SOS2: variants seen among roughly 807,000 people sequenced by gnomAD.
The protein encoded by SOS2 is son of sevenless homolog 2.
Under a neutral mutation model 148.2 loss-of-function variants are expected in SOS2, and 65 were observed. The observed-to-expected ratio is 0.44, with a 90% CI of 0.36 to 0.54. SOS2 has a LOEUF of 0.54. Among genes scored for constraint, SOS2 ranks in the 20% least tolerant of loss-of-function variants. The probability of loss-of-function intolerance (pLI) is 0.00; values close to 1 mark genes in which losing one functional copy is unlikely to be tolerated. For missense variants in SOS2, 1,341 were observed against 1,590.2 expected, an observed-to-expected ratio of 0.84 and a Z score of 2.67; for synonymous variants, 539 against 537.1, an observed-to-expected ratio of 1.00 and a Z score of -0.05.
intron 4 of SOS2, among the ~76,000 whole-genome samples, chr14:50,195,635 C>A (rs150683289): frequency 2.0e-4 from 31 of 152,094 alleles, no homozygotes; most frequent in Non-Finnish European, 3.8e-4. Flanking sequence ...GTGGCAGGCA[C>A]CTATAGCTCT....
intron 9 of SOS2, among the ~76,000 whole-genome samples, 199 bp downstream of exon 9, chr14:50,161,283 G>A (rs1287469786): frequency 6.8e-5 from 10 of 147,784 alleles, no homozygotes; most frequent in African/African-American, 2.5e-4. Flanking sequence ...CTGGGCAAGA[G>A]AGACTCCTTC....
At chr14:50,140,304 T>C (rs1169024527) in intron 16 of SOS2, among the ~76,000 whole-genome samples, 1 of 152,216 alleles carries the variant, frequency 6.6e-6, no homozygotes, top group Non-Finnish European at 1.5e-5. Flanking sequence ...TTCTACGTCA[T>C]GCCTTGTGCG....
intron 1 of SOS2, among the ~76,000 whole-genome samples, chr14:50,220,657 A>AT (rs1211594960): frequency 6.6e-6 from 1 of 152,180 alleles, no homozygotes; most frequent in Non-Finnish European, 1.5e-5. Flanking sequence ...GTCCATTAAT[A>AT]ATTCTCAGAG....
intron 1 of SOS2, among the ~76,000 whole-genome samples, chr14:50,206,869 G>A (rs1056888079): frequency 2.0e-5 from 3 of 152,124 alleles, no homozygotes; most frequent in Non-Finnish European, 4.4e-5. Flanking sequence ...TTGGAATGCA[G>A]TAGTGCAATC....
rs149394277 is a variant in SOS2, at chr14:50,166,720, C to T, written c.1069-5111G>A. Among the ~76,000 whole-genome samples, 51 of 152,264 alleles carry T rather than the reference C, an allele frequency of 3.3e-4. No homozygotes were observed. In the East Asian group the frequency reaches 5.8e-3, roughly 17 times the overall value. On this transcript the variant is annotated intron_variant, in intron 8 of 22. Coordinates refer to ENST00000216373, the MANE Select transcript of SOS2 (RefSeq NM_006939.4). The stretch of plus-strand genomic sequence containing the variant: ...TTCTTGAAACTCCTACCAAATGCTA[C>T]ATCTACTATGGACATATGTGCCCAC...
intron 12 of SOS2, among the ~76,000 whole-genome samples, chr14:50,153,374 T>A (rs756543863): frequency 2.6e-5 from 4 of 151,840 alleles, no homozygotes; most frequent in Non-Finnish European, 4.4e-5. Context: ...TATTTATTAA[T>A]AAAATGTATA....
chr14:50,139,970 T>A lies in SOS2; in HGVS notation c.2757A>T (p.Ser919=). Residue 919 remains serine, a synonymous_variant, in exon 17 of 23, where the codon TCA becomes TCT. Coordinates refer to ENST00000216373, the MANE Select transcript of SOS2 (RefSeq NM_006939.4). ...HFKKYLVKLK[S]INPPCVPFFG... ...AAAAAGGCACACAAGGTGGATTGAT[T>A]GACTTAAGTTTTACTAGGTATTTTT... The A allele has an allele frequency of 6.3e-7, 1 of 1,591,274 alleles. No individual in the cohort carries two copies. The highest frequency in any genetic ancestry group is 1.1e-5 in the South Asian group (1 of 89,954).
Position 50,145,157 on chromosome 14 carries a change from G to T in SOS2, c.2667+13C>A. ...TCCCCGAGAAAAATGAAAAAGTTAA[G>T]CCTAAAACTTACCTCAAAGGTATGG... On this transcript the variant is annotated intron_variant, in intron 16 of 22. Coordinates refer to ENST00000216373, the MANE Select transcript of SOS2 (RefSeq NM_006939.4). 7.1e-7 allele frequency: 1 copy of T among 1,403,316 alleles called. No homozygotes were observed. Among genetic ancestry groups the T allele is most frequent in the South Asian group, 1.8e-5 (1 of 55,910 alleles). 86.9% of individuals were successfully genotyped at this position (1,403,316 alleles called of 1,614,324 possible).
At chr14:50,141,106 A>T (rs1429598896) in intron 16 of SOS2, among the ~76,000 whole-genome samples, 2 of 144,138 alleles carry the variant, frequency 1.4e-5, no homozygotes, top group Non-Finnish European at 3.0e-5. Context: ...CGGGAGGCTG[A>T]GGCAGGAGAA....
At chr14:50,141,203 C>CAAAAA (rs71118844) in intron 16 of SOS2, among the ~76,000 whole-genome samples, 3 of 30,588 alleles carry the variant, frequency 9.8e-5, no homozygotes, top group African/African-American at 2.9e-4. Context: ...GACTCTGTCT[C>CAAAAA]AAAAAAAAAA....
At chr14:50,140,908 T>A (rs1884253514) in intron 16 of SOS2, among the ~76,000 whole-genome samples, 1 of 151,932 alleles carries the variant, frequency 6.6e-6, no homozygotes, top group African/African-American at 2.4e-5. Flanking sequence ...AATCAGGATT[T>A]AAAAAAAATT....
intron 6 of SOS2, among the ~76,000 whole-genome samples, chr14:50,181,816 A>G (rs1335392188): frequency 1.3e-5 from 2 of 152,056 alleles, no homozygotes; most frequent in African/African-American, 4.8e-5. Flanking sequence ...TTTTCTGAAT[A>G]TTTTTACAAT....
At chr14:50,188,827 C>A in intron 4 of SOS2, 127 bp from the exon 5 acceptor site, 2 of 649,114 alleles carry the variant, frequency 3.1e-6, no homozygotes, top group Non-Finnish European at 2.5e-6. Flanking sequence ...CTTTGGGAGG[C>A]CAAGGCAGGA....
intron 5 of SOS2, among the ~76,000 whole-genome samples, chr14:50,184,488 T>C (rs974727152): frequency 6.6e-6 from 1 of 152,162 alleles, no homozygotes; most frequent in Non-Finnish European, 1.5e-5. Flanking sequence ...TTTATGCTAA[T>C]GAGGTTACTT....
intron 8 of SOS2, among the ~76,000 whole-genome samples, chr14:50,170,621 C>T (rs1885329984): frequency 6.6e-6 from 1 of 151,960 alleles, no homozygotes; most frequent in South Asian, 2.1e-4. Flanking sequence ...TGCAGTAAGC[C>T]ATGATTGTAT....
chr14:50,162,119 A>C (rs1243251099), intron 8 of SOS2, among the ~76,000 whole-genome samples: 1 of 152,106 alleles, frequency 6.6e-6, no homozygotes, highest in Non-Finnish European at 1.5e-5. Context: ...CAGGAAAAAA[A>C]AAAGCAACTG....
At chr14:50,199,969 T>A in intron 3 of SOS2, 114 bp from the exon 4 acceptor site, 2 of 625,542 alleles carry the variant, frequency 3.2e-6, no homozygotes, top group Non-Finnish European at 5.5e-6. Context: ...TAACTACATG[T>A]CTAAATGTAT....
intron 4 of SOS2, among the ~76,000 whole-genome samples, chr14:50,199,404 T>C (rs1006043507): frequency 1.1e-4 from 17 of 152,198 alleles, no homozygotes; most frequent in South Asian, 1.0e-3. Context: ...GAACTCTATA[T>C]ATTCTCTTTC....
chr14:50,224,314 T>TACACACACACACAC lies in SOS2; in HGVS notation c.87+6869_87+6882dup, dbSNP rs71118856. ...TCAGGAAAAAAAAAAAATATATATA[T>TACACACACACACAC]ACACACACACACACACACACACACA... On this transcript the variant is annotated intron_variant, in intron 1 of 22. Coordinates refer to ENST00000216373, the MANE Select transcript of SOS2 (RefSeq NM_006939.4). 7.9e-5 allele frequency among the ~76,000 whole-genome samples: 8 copies of TACACACACACACAC among 101,032 alleles called. No individual in the cohort carries two copies. The East Asian group carries it at 2.0e-3, about 25-fold the overall frequency. 66.3% of individuals were successfully genotyped at this position (101,032 alleles called of 152,430 possible).
Sources: allele counts gnomAD v4.1 joint callset (sites outside exome capture counted in the v4.1 genomes callset), GRCh38; gene constraint gnomAD v4.1.1; transcripts MANE v1.5; gene names NCBI Gene and HGNC (gene_info 2026-07-23, HGNC 2026-07-21).